STPG2: variants seen among roughly 807,000 people sequenced by gnomAD.
STPG2 encodes the protein sperm tail PG-rich repeat containing 2, also known as sperm-tail PG-rich repeat-containing protein 2.
Under a neutral mutation model 54.2 loss-of-function variants are expected in STPG2, and 56 were observed. The observed-to-expected ratio is 1.03, with a 90% CI of 0.83 to 1.29. The LOEUF is 1.29. Among genes scored for constraint, STPG2 ranks in the 50% most tolerant of loss-of-function variants. The pLI, the probability that STPG2 is intolerant of heterozygous loss-of-function variation, is 0.00. For missense variants in STPG2, 596 were observed against 544.9 expected, an observed-to-expected ratio of 1.09 and a Z score of -0.93; for synonymous variants, 200 against 181.8, an observed-to-expected ratio of 1.10 and a Z score of -0.81.
At chr4:98,020,688 A>G (rs1001110808) in intron 5 of STPG2, among the ~76,000 whole-genome samples, 1 of 152,144 alleles carries the variant, frequency 6.6e-6, no homozygotes, top group African/African-American at 2.4e-5. Context: ...TATTCCCACA[A>G]TTTCAGATCC....
intron 5 of STPG2, among the ~76,000 whole-genome samples, chr4:98,034,428 A>G (rs1047066864): frequency 1.3e-5 from 2 of 152,200 alleles, no homozygotes; most frequent in East Asian, 3.8e-4. Context: ...ACTACAAACC[A>G]TCACTCAAGG....
rs79653306 is a variant in STPG2 at position 97,852,178 on chromosome 4, C to T, written c.1045-11246G>A. ...GTGAGAGATGTGTGAATTTAAATAG[C>T]AGAGTTAGGAAAATTATTCATTAAC... On this transcript the variant is annotated intron_variant, in intron 8 of 10. Transcript: ENST00000295268. Among the ~76,000 whole-genome samples the T allele has an allele frequency of 1.2e-4, 18 of 152,224 alleles. No individual in the cohort carries two copies. The East Asian group carries it at 3.3e-3, about 28-fold the overall frequency.
At chr4:97,538,860 A>G (rs187280799) in intron 4 of STPG2, among the ~76,000 whole-genome samples, 2,190 of 152,342 alleles carry the variant, frequency 0.014, 26 homozygotes, top group Non-Finnish European at 0.019. Context: ...GAAACTTTAC[A>G]AGCCAGAAGA....
At chr4:97,473,984 A>C (rs1007633008) in intron 4 of STPG2, among the ~76,000 whole-genome samples, 2 of 152,088 alleles carry the variant, frequency 1.3e-5, no homozygotes, top group African/African-American at 4.8e-5. Flanking sequence ...TTGATCACTG[A>C]AACTATTCTA....
chr4:97,641,627 TAC>T (rs1721768728), intron 10 of STPG2, among the ~76,000 whole-genome samples: 1 of 151,414 alleles, frequency 6.6e-6, no homozygotes, highest in Non-Finnish European at 1.5e-5. Context: ...AGAGCAGTTA[TAC>T]ACAGATTTTT....
At chr4:97,687,182 C>T (rs999317396) in intron 10 of STPG2, among the ~76,000 whole-genome samples, 2 of 151,954 alleles carry the variant, frequency 1.3e-5, no homozygotes, top group African/African-American at 4.8e-5. Context: ...GATCTCCCGA[C>T]CTCGTGATCC....
chr4:97,594,785 G>C (rs1435256674), intron 10 of STPG2, among the ~76,000 whole-genome samples: 3 of 152,174 alleles, frequency 2.0e-5, no homozygotes, highest in Non-Finnish European at 4.4e-5. Context: ...GGTTAACAGA[G>C]GACCCTTCAG....
chr4:97,528,733 T>A (rs1005628286), intron 4 of STPG2, among the ~76,000 whole-genome samples: 1 of 152,130 alleles, frequency 6.6e-6, no homozygotes, highest in African/African-American at 2.4e-5. Flanking sequence ...TAAGTTGTAT[T>A]CCTAGGTATT....
chr4:97,630,868 T>C (rs1721253148), intron 10 of STPG2, among the ~76,000 whole-genome samples: 1 of 151,830 alleles, frequency 6.6e-6, no homozygotes, highest in Non-Finnish European at 1.5e-5. Context: ...ATTTCTCCAG[T>C]TAATAGACTA....
intron 8 of STPG2, among the ~76,000 whole-genome samples, chr4:97,931,117 T>C (rs922630924): frequency 6.6e-6 from 1 of 152,242 alleles, no homozygotes; most frequent in African/African-American, 2.4e-5. Flanking sequence ...TATAGGATCA[T>C]GTCATCTGCA....
intron 9 of STPG2, among the ~76,000 whole-genome samples, chr4:97,724,314 A>G (rs1724551725): frequency 6.6e-6 from 1 of 152,202 alleles, no homozygotes; most frequent in South Asian, 2.1e-4. Context: ...ACATTTATAG[A>G]TTAAGAAAAG....
intron 10 of STPG2, among the ~76,000 whole-genome samples, chr4:97,620,581 A>G (rs1371804010): frequency 1.3e-5 from 2 of 152,202 alleles, no homozygotes; most frequent in Admixed American, 6.5e-5. Flanking sequence ...GTTCAATTCA[A>G]TAAGAGGACC....
chr4:97,543,128 A>AT (rs1553936247), intron 4 of STPG2, among the ~76,000 whole-genome samples: 3 of 151,204 alleles, frequency 2.0e-5, no homozygotes, highest in Non-Finnish European at 4.4e-5. Flanking sequence ...TGTAATAAAA[A>AT]ATATATATAT....
At chr4:98,022,838 G>A (rs1422829339) in intron 5 of STPG2, among the ~76,000 whole-genome samples, 7 of 152,020 alleles carry the variant, frequency 4.6e-5, no homozygotes, top group African/African-American at 1.2e-4. Context: ...CATTCTTCAC[G>A]TAGTTCTCGA....
rs558319215 is a variant in STPG2 at position 97,863,380 on chromosome 4, TC to T, written c.1045-22449del. On this transcript the variant is annotated intron_variant, in intron 8 of 10. Transcript: ENST00000295268. Reference sequence around the variant, plus strand: ...GATAAATTCCTTGACACATACACCCTCCCAAGACTAAGCCAGGAAGAAGTTG... The same window carrying T: ...GATAAATTCCTTGACACATACACCCTCCAAGACTAAGCCAGGAAGAAGTTG... Among the ~76,000 whole-genome samples, 527 of 152,138 alleles carry T rather than the reference TC, an allele frequency of 3.5e-3. 2 individuals carry two copies. The highest frequency in any genetic ancestry group is 6.8e-3 in the Middle Eastern group (2 of 292).
intron 5 of STPG2, among the ~76,000 whole-genome samples, chr4:98,055,709 C>A (rs1370055982): frequency 6.6e-6 from 1 of 152,268 alleles, no homozygotes; most frequent in South Asian, 2.1e-4. Flanking sequence ...TCCCTCTAGG[C>A]TTGATTTGCT....
rs1168051965 is a variant in STPG2 at position 98,105,962 on chromosome 4, C to A, written c.603G>T (p.Glu201Asp). 1 of 1,564,704 alleles carries A rather than the reference C, an allele frequency of 6.4e-7. No homozygotes were observed. The highest frequency in any genetic ancestry group is 8.7e-7 in the Non-Finnish European group (1 of 1,144,348). The change falls in exon 5 of 11, where the codon GAG (glutamate) becomes GAT (aspartate). Residue 201 changes from glutamate (E) to aspartate (D), a missense_variant. By Grantham distance (45) the Glu-to-Asp change is conservative (BLOSUM62 2). Coordinates refer to ENST00000295268, the MANE Select transcript of STPG2 (RefSeq NM_174952.3). ...PRLYEIIVLQ[E>D]KKKRFLPMKS... ...CCACTTTTCAACTTACCTTTTTTTT[C>A]TCCTGCAATACTATTATTTCATATA...
At chr4:97,904,637 A>G (rs887704518) in intron 8 of STPG2, among the ~76,000 whole-genome samples, 1 of 152,354 alleles carries the variant, frequency 6.6e-6, no homozygotes, top group South Asian at 2.1e-4. Flanking sequence ...TAGAAGAAGG[A>G]TTCAGATAAT....
At chr4:97,727,137 G>C (rs1314314248) in intron 9 of STPG2, among the ~76,000 whole-genome samples, 3 of 151,832 alleles carry the variant, frequency 2.0e-5, no homozygotes, top group East Asian at 1.9e-4. Context: ...ATTACTTATA[G>C]TTTGGCTTCT....
Sources: gnomAD v4.1 joint callset for allele counts (sites outside exome capture counted in the v4.1 genomes callset) on GRCh38, gnomAD v4.1.1 for gene constraint, MANE v1.5 for transcripts, NCBI Gene and HGNC (gene_info 2026-07-23, HGNC 2026-07-21) for gene names.